ATP10B: variants seen among roughly 807,000 people sequenced by gnomAD.
ATP10B encodes ATPase phospholipid transporting 10B (putative), also known as phospholipid-transporting ATPase VB.
A neutral mutation model predicts 141.2 loss-of-function variants in ATP10B; 122 were observed. The observed-to-expected ratio is 0.86, with a 90% CI of 0.75 to 1.00. The LOEUF (loss-of-function observed/expected upper bound fraction) is 1.00. ATP10B is among the 50% of genes least tolerant of loss of function. The pLI is 0.00. For missense variants in ATP10B, 1,876 were observed against 1,825.3 expected (o/e 1.03, Z -0.51); for synonymous variants, 685 against 692.0 (o/e 0.99, Z 0.16).
At chr5:160,645,460 C>T (rs1277879090) in intron 8 of ATP10B, among the ~76,000 whole-genome samples, 8 of 152,252 alleles carry the variant, frequency 5.3e-5, no homozygotes, top group Admixed American at 5.2e-4. Flanking sequence ...CTTTCCTGTA[C>T]CAGCTTTCAC....
chr5:160,586,913 T>G (rs747391684), intron 24 of ATP10B, among the ~76,000 whole-genome samples: 1 of 152,236 alleles, frequency 6.6e-6, no homozygotes, highest in East Asian at 1.9e-4. Context: ...ATTCTGTAGA[T>G]TGCCTTTTCA....
chr5:160,840,436 T>A (rs887740755), intron 1 of ATP10B, among the ~76,000 whole-genome samples: 3 of 152,042 alleles, frequency 2.0e-5, no homozygotes, highest in Admixed American at 6.6e-5. Context: ...TTAAAAAGGT[T>A]GTATCTCAAA....
chr5:160,769,730 C>T (rs112388477), intron 2 of ATP10B, among the ~76,000 whole-genome samples: 352 of 152,346 alleles, frequency 2.3e-3, no homozygotes, highest in African/African-American at 8.0e-3. Flanking sequence ...CCATCTCATT[C>T]TCTTGTTCAA....
At chr5:160,856,943 T>C (rs1754014692), upstream of ATP10B, among the ~76,000 whole-genome samples, 1 of 151,848 alleles carries the variant, frequency 6.6e-6, no homozygotes, top group African/African-American at 2.4e-5. Flanking sequence ...TGTATAATTT[T>C]TTAATTGATG....
Position 160,634,519 on chromosome 5 carries a change from C to T in ATP10B, c.1216G>A (p.Asp406Asn). 1 of 1,614,176 alleles carries T rather than the reference C, an allele frequency of 6.2e-7. No individual in the cohort carries two copies. The highest frequency in any genetic ancestry group is 8.5e-7 in the Non-Finnish European group (1 of 1,180,028). The change falls in exon 12 of 26, where the codon GAT becomes AAT. Residue 406 changes from aspartate to asparagine, a missense_variant. By Grantham distance (23) the Asp-to-Asn change is conservative. Coordinates refer to ENST00000327245, the MANE Select transcript of ATP10B (RefSeq NM_025153.3). ...FFLSNDLDLY[D>N]EETDLSIQCR... ...TGAATGGATAAATCGGTCTCTTCAT[C>T]ATACAGGTCAAGGTCATTGCTCAAG... is the stretch of plus-strand genomic sequence containing the variant.
chr5:160,867,288 G>A, the ATP10B span, among the ~76,000 whole-genome samples: 1 of 152,042 alleles, frequency 6.6e-6, no homozygotes, highest in African/African-American at 2.4e-5. Flanking sequence ...TAATATCTGG[G>A]CCCACTGAAA....
chr5:160,814,096 G>C (rs550399410), intron 1 of ATP10B, among the ~76,000 whole-genome samples: 1 of 152,214 alleles, frequency 6.6e-6, no homozygotes, highest in Non-Finnish European at 1.5e-5. Flanking sequence ...TCGAAGGAAC[G>C]CAGCTCTTCA....
chr5:160,860,030 T>C, the ATP10B span, among the ~76,000 whole-genome samples: 1 of 152,030 alleles, frequency 6.6e-6, no homozygotes, highest in South Asian at 2.1e-4. Context: ...TTTTTATTTC[T>C]AAAAAATATA....
At chr5:160,734,345 T>C (rs1766961477) in intron 2 of ATP10B, among the ~76,000 whole-genome samples, 1 of 151,996 alleles carries the variant, frequency 6.6e-6, no homozygotes, top group African/African-American at 2.4e-5. Context: ...TCTTTTTGTG[T>C]GTGTTAAAAA....
chr5:160,868,849 C>T, the ATP10B span, among the ~76,000 whole-genome samples: 3 of 152,188 alleles, frequency 2.0e-5, no homozygotes, highest in East Asian at 3.9e-4. Flanking sequence ...CAGTAGTGGA[C>T]AAAGCCAGGG....
intron 11 of ATP10B, 63 bp from the exon 12 acceptor site, chr5:160,634,669 C>G: frequency 6.6e-7 from 1 of 1,520,036 alleles, no homozygotes; most frequent in African/African-American, 1.4e-5. Context: ...GGGATCCTCA[C>G]TAGCAGGTAG....
chr5:160,845,265 C>T (rs569912202), intron 1 of ATP10B, among the ~76,000 whole-genome samples: 7 of 152,156 alleles, frequency 4.6e-5, no homozygotes, highest in African/African-American at 1.2e-4. Flanking sequence ...TGCTTTAGCC[C>T]GCAGTTTGGG....
chr5:160,926,015 C>T, the ATP10B span, among the ~76,000 whole-genome samples: 2 of 152,198 alleles, frequency 1.3e-5, no homozygotes, highest in Non-Finnish European at 2.9e-5. Context: ...GGCATTGCAC[C>T]TGGTGGATGA....
At chr5:160,631,465 A>C (rs1040842092) in intron 13 of ATP10B, among the ~76,000 whole-genome samples, 1 of 152,282 alleles carries the variant, frequency 6.6e-6, no homozygotes, top group East Asian at 1.9e-4. Context: ...CACAAACAGC[A>C]ATGCCCATAA....
intron 6 of ATP10B, among the ~76,000 whole-genome samples, chr5:160,684,428 G>T (rs1763619669): frequency 6.6e-6 from 1 of 152,120 alleles, no homozygotes; most frequent in African/African-American, 2.4e-5. Flanking sequence ...TTCAACTCAG[G>T]CAGTGTGTCT....
intron 13 of ATP10B, 108 bp downstream of exon 13, chr5:160,632,021 T>G (rs1306169963): frequency 8.0e-6 from 8 of 1,005,674 alleles, no homozygotes; most frequent in African/African-American, 1.6e-5. Flanking sequence ...GGGCACCATT[T>G]TGAAAGCTCT....
At chr5:160,796,044 C>T (rs921294791) in intron 1 of ATP10B, among the ~76,000 whole-genome samples, 1 of 152,180 alleles carries the variant, frequency 6.6e-6, no homozygotes, top group Admixed American at 6.5e-5. Flanking sequence ...CCAGGCTTTA[C>T]TGTCACCACA....
At chr5:160,904,403 G>C in the ATP10B span, among the ~76,000 whole-genome samples, 67 of 152,132 alleles carry the variant, frequency 4.4e-4, no homozygotes, top group Admixed American at 2.8e-3. Context: ...ATCTGCACAT[G>C]GATGTAAGAT....
At chr5:160,825,193 G>A (rs1386432833) in intron 1 of ATP10B, among the ~76,000 whole-genome samples, 5 of 152,074 alleles carry the variant, frequency 3.3e-5, no homozygotes, top group Admixed American at 1.3e-4. Flanking sequence ...CACATGTCTC[G>A]CATGTAATAG....
Sources: gnomAD v4.1 joint callset for allele counts (sites outside exome capture counted in the v4.1 genomes callset) on GRCh38, gnomAD v4.1.1 for gene constraint, MANE v1.5 for transcripts, NCBI Gene and HGNC (gene_info 2026-07-23, HGNC 2026-07-21) for gene names.